HDLBP: variants seen among roughly 807,000 people sequenced by gnomAD.
The protein encoded by HDLBP is high density lipoprotein binding protein, also known as vigilin.
In HDLBP, 30 loss-of-function variants were observed where a neutral mutation model predicts 137.3. The ratio of observed to expected loss-of-function variants is 0.22; its 90% CI spans 0.16 to 0.30. The LOEUF (loss-of-function observed/expected upper bound fraction) is 0.30. HDLBP is among the 10% of genes least tolerant of loss of function. HDLBP has a pLI of 1.00. For synonymous variants in HDLBP, 606 were observed against 596.0 expected (o/e 1.02, Z -0.24); for missense variants, 1,119 against 1,667.3 (o/e 0.67, Z 5.73).
At chr2:241,262,954 G>T (rs755759727) in intron 4 of HDLBP, 28 bp from the exon 5 acceptor site, 1 of 1,569,632 alleles carries the variant, frequency 6.4e-7, no homozygotes, top group Non-Finnish European at 8.8e-7. Flanking sequence ...AAAAAGGAAA[G>T]GTTAAGAGAT....
In HDLBP at chr2:241,264,440, G is replaced by A; in HGVS notation, c.234+8C>T. On this transcript the variant is annotated splice_region_variant and intron_variant, in intron 4 of 27. Transcript: ENST00000310931. The stretch of plus-strand genomic sequence containing the variant: ...TAAAATTTTTAAAAGAAAGAATGGT[G>A]TTTCTACCTGAGTGATGACAGAAGC... 1 of 1,593,902 alleles carries A rather than the reference G, an allele frequency of 6.3e-7. No homozygotes were observed. Among genetic ancestry groups the A allele is most frequent in the Non-Finnish European group, 8.6e-7 (1 of 1,166,952 alleles).
At position 241,272,108 on chromosome 2, in the gene HDLBP, G is replaced by A. The variant is rs1347627660; in HGVS notation, c.-102-3567C>T. ...TGTATTTTTCATCCACGACCCTGGGGCACGTCCAAGTTGCACTCCAGGCCC... is the reference window on the plus strand; with the variant it reads ...TGTATTTTTCATCCACGACCCTGGGACACGTCCAAGTTGCACTCCAGGCCC... On this transcript the variant is annotated intron_variant, in intron 1 of 27. Coordinates refer to ENST00000310931, the MANE Select transcript of HDLBP (RefSeq NM_005336.6). This position sits in a 1 kb window ranked among gnomAD's most constrained non-coding sequence, Gnocchi z 5.6. The A allele has an allele frequency of 5.1e-6, 4 of 776,976 alleles. No individual in the cohort carries two copies. Among genetic ancestry groups the A allele is most frequent in the Non-Finnish European group, 6.3e-6 (4 of 639,250 alleles). The allele number at this position is 776,976 out of a possible 1,614,324, so 48.1% of individuals were successfully genotyped here.
At chr2:241,315,290 A>C (rs956630753) in intron 1 of HDLBP, 1 of 151,864 alleles carries the variant, frequency 6.6e-6, no homozygotes, top group Non-Finnish European at 1.5e-5. Flanking sequence ...AGGCCCCCCG[A>C]TCATCGAGAC....
At chr2:241,260,035 C>T (rs2073028768) in intron 5 of HDLBP, among the ~76,000 whole-genome samples, 1 of 152,158 alleles carries the variant, frequency 6.6e-6, no homozygotes, top group Non-Finnish European at 1.5e-5. Flanking sequence ...CAGAGTTTTG[C>T]TCCTGTTGCA....
intron 9 of HDLBP, 146 bp downstream of exon 9, chr2:241,254,905 G>A: frequency 1.4e-6 from 1 of 691,312 alleles, no homozygotes; most frequent in Non-Finnish European, 2.6e-6. Context: ...CACGGAAGTT[G>A]ACCATGTCAA....
rs1158921439 is a variant in HDLBP at position 241,240,735 on chromosome 2, G to A, written c.2170-613C>T. On this transcript the variant is annotated intron_variant, in intron 17 of 27. Coordinates refer to ENST00000310931, the MANE Select transcript of HDLBP (RefSeq NM_005336.6). The surrounding 1 kb of genome is among the most constrained non-coding windows in gnomAD (Gnocchi z 5.5). ...GGTCCTCAGAGGCCTCGTGTAGTGC[G>A]ACGCCCTTGTGTGGCAGTAAGAAAA... Among the ~76,000 whole-genome samples, 1 of 150,776 alleles carries A rather than the reference G, an allele frequency of 6.6e-6. No individual in the cohort carries two copies. Among genetic ancestry groups the A allele is most frequent in the African/African-American group, 2.5e-5 (1 of 40,186 alleles).
chr2:241,279,946 A>G, intron 1 of HDLBP: 1 of 985,418 alleles, frequency 1.0e-6, no homozygotes, highest in Non-Finnish European at 1.2e-6. Flanking sequence ...TTATCACCTG[A>G]CAGGAACCCG....
At chr2:241,306,623 G>A (rs2075584279) in intron 1 of HDLBP, among the ~76,000 whole-genome samples, 1 of 152,128 alleles carries the variant, frequency 6.6e-6, no homozygotes, top group African/African-American at 2.4e-5. Context: ...CCCCAAGTCA[G>A]GCTGGGAGCA....
chr2:241,250,995 T>A (rs186235774), intron 11 of HDLBP: 1 of 152,266 alleles, frequency 6.6e-6, no homozygotes, highest in East Asian at 1.9e-4. Flanking sequence ...TGAGACAGGG[T>A]CTTGCTCTGT....
intron 11 of HDLBP, among the ~76,000 whole-genome samples, chr2:241,252,318 A>G (rs1455656472): frequency 6.6e-6 from 1 of 152,206 alleles, no homozygotes; most frequent in Non-Finnish European, 1.5e-5. Flanking sequence ...CCTGGCCAAC[A>G]TGGTGAAACC....
At chr2:241,267,456 G>A (rs951355828) in intron 2 of HDLBP, 16 of 881,186 alleles carry the variant, frequency 1.8e-5, no homozygotes, top group African/African-American at 9.9e-5. Flanking sequence ...ACCCCTAACC[G>A]CAGGGGTGGG....
At chr2:241,277,276 C>T (rs530794018) in intron 1 of HDLBP, among the ~76,000 whole-genome samples, 2 of 152,142 alleles carry the variant, frequency 1.3e-5, no homozygotes, top group African/African-American at 4.8e-5. Context: ...TAATCATCCA[C>T]TACTGAAACT....
At chr2:241,250,150 C>T in intron 11 of HDLBP, 170 bp from the exon 12 acceptor site, 4 of 607,254 alleles carry the variant, frequency 6.6e-6, no homozygotes, top group Non-Finnish European at 1.1e-5. Flanking sequence ...AGAATGGGGG[C>T]CAGTTATGAT....
chr2:241,247,193 A>C (rs2071749202), intron 14 of HDLBP, 51 bp from the exon 15 acceptor site: 1 of 1,164,732 alleles, frequency 8.6e-7, no homozygotes, highest in African/African-American at 1.5e-5. Context: ...AGAGAGTAAA[A>C]TACAGTATCC....
chr2:241,295,330 T>G (rs191889324), intron 1 of HDLBP, among the ~76,000 whole-genome samples: 2 of 152,338 alleles, frequency 1.3e-5, no homozygotes, highest in Admixed American at 6.5e-5. Flanking sequence ...TGTCAAAGAC[T>G]GTCCAATAGG....
chr2:241,305,323 AT>A (rs2075535125), intron 1 of HDLBP, among the ~76,000 whole-genome samples: 1 of 152,160 alleles, frequency 6.6e-6, no homozygotes, highest in Non-Finnish European at 1.5e-5. Flanking sequence ...GGGTTTCACC[AT>A]GTTGGACAGG....
At chr2:241,297,553 C>CT (rs1215015355) in intron 1 of HDLBP, among the ~76,000 whole-genome samples, 1 of 152,124 alleles carries the variant, frequency 6.6e-6, no homozygotes, top group African/African-American at 2.4e-5. Context: ...TACACATACT[C>CT]TGTTGACTGA....
At chr2:241,268,020 T>C in intron 2 of HDLBP, 1 of 944,648 alleles carries the variant, frequency 1.1e-6, no homozygotes. Flanking sequence ...CAGTTCCAGG[T>C]GAGCTCCAAA....
chr2:241,294,887 G>A (rs979581446), intron 1 of HDLBP, among the ~76,000 whole-genome samples: 43 of 152,140 alleles, frequency 2.8e-4, no homozygotes, highest in Admixed American at 1.9e-3. Context: ...GGTCACCTGA[G>A]GTCAGGAGTT....
Sources: allele counts gnomAD v4.1 joint callset (sites outside exome capture counted in the v4.1 genomes callset), GRCh38; gene constraint gnomAD v4.1.1; non-coding constraint Gnocchi (gnomAD v3.1); transcripts MANE v1.5; gene names NCBI Gene and HGNC (gene_info 2026-07-23, HGNC 2026-07-21).